The following FAF1 variants were observed in gnomAD, a reference collection of about 807,000 sequenced individuals.
FAF1 encodes FAS-associated factor 1.
A neutral mutation model predicts 92.5 loss-of-function variants in FAF1; 25 were observed. The observed-to-expected ratio is 0.27, with a 90% CI of 0.20 to 0.38. The LOEUF (loss-of-function observed/expected upper bound fraction) is 0.38, where lower values mean the gene tolerates loss of function less well. FAF1 is among the 10% of genes least tolerant of loss of function. The probability of loss-of-function intolerance (pLI) is 1.00; values close to 1 mark genes in which losing one functional copy is unlikely to be tolerated. For synonymous variants in FAF1, 234 were observed against 273.2 expected (o/e 0.86, Z 1.42); for missense variants, 636 against 793.3 (o/e 0.80, Z 2.38).
chr1:50,937,350 C>A (rs12064351), intron 1 of FAF1, among the ~76,000 whole-genome samples: 3,005 of 152,008 alleles, frequency 0.02, 97 homozygotes, highest in African/African-American at 0.07. Context: ...GTGGAAAGAA[C>A]TGAAAAATTA....
chr1:50,531,427 A>C (rs1648162304), intron 15 of FAF1, among the ~76,000 whole-genome samples: 1 of 152,186 alleles, frequency 6.6e-6, no homozygotes. Flanking sequence ...AAAACAGTGC[A>C]TATAAAAAAA....
intron 17 of FAF1, among the ~76,000 whole-genome samples, chr1:50,476,705 T>C (rs1572769964): frequency 6.6e-6 from 1 of 152,106 alleles, no homozygotes; most frequent in African/African-American, 2.4e-5. Context: ...TATGCCATTA[T>C]AAATTAAAGA....
intron 18 of FAF1, among the ~76,000 whole-genome samples, chr1:50,465,157 C>A (rs183396548): frequency 6.6e-6 from 1 of 152,206 alleles, no homozygotes; most frequent in African/African-American, 2.4e-5. Context: ...TGCTTGGCTA[C>A]GTGATCTTGG....
chr1:50,680,804 G>A (rs1557471788), intron 7 of FAF1, among the ~76,000 whole-genome samples: 1 of 152,088 alleles, frequency 6.6e-6, no homozygotes, highest in Non-Finnish European at 1.5e-5. Flanking sequence ...ATCAACTTCT[G>A]ACAAATGGTC....
intron 18 of FAF1, among the ~76,000 whole-genome samples, chr1:50,474,672 G>C (rs1014242171): frequency 2.0e-5 from 3 of 152,080 alleles, no homozygotes; most frequent in Admixed American, 6.6e-5. Context: ...TCTACTAAAG[G>C]AATCTATTTC....
In FAF1 at chr1:50,693,327, G is replaced by A. The variant is rs372149493; in HGVS notation, c.657+12459C>T. On this transcript the variant is annotated intron_variant, in intron 7 of 18. Transcript: ENST00000396153. ...TATGTTGAATTTTCTTGGTAATCTT[G>A]CTGAAAATTAATTGACCATAAATGT... Among the ~76,000 whole-genome samples the A allele has an allele frequency of 2.6e-5, 4 of 152,170 alleles. No homozygotes were observed. In the East Asian group the frequency reaches 7.7e-4, roughly 29 times the overall value.
At chr1:50,495,840 T>C (rs1459301274) in intron 15 of FAF1, among the ~76,000 whole-genome samples, 1 of 152,194 alleles carries the variant, frequency 6.6e-6, no homozygotes, top group Non-Finnish European at 1.5e-5. Flanking sequence ...GTAGTTCTGA[T>C]CTGTATCAGA....
chr1:50,788,236 G>T (rs774208666), intron 3 of FAF1, 31 bp from the exon 4 acceptor site: 39 of 1,570,482 alleles, frequency 2.5e-5, no homozygotes, highest in Non-Finnish European at 3.2e-5. Context: ...AAGGATTATT[G>T]TCAACTAAAT....
chr1:50,510,050 T>C (rs1390318955), intron 15 of FAF1, among the ~76,000 whole-genome samples: 1 of 151,290 alleles, frequency 6.6e-6, no homozygotes, highest in Non-Finnish European at 1.5e-5. Context: ...GCACCTGTAG[T>C]CCCAGCTGCT....
intron 15 of FAF1, among the ~76,000 whole-genome samples, chr1:50,532,780 A>G (rs1398056480): frequency 5.9e-5 from 9 of 152,118 alleles, no homozygotes; most frequent in African/African-American, 2.2e-4. Flanking sequence ...ATTGGGTTTC[A>G]TTTTTTAAAA....
At chr1:50,710,713 C>A (rs946245591) in intron 6 of FAF1, among the ~76,000 whole-genome samples, 1 of 151,680 alleles carries the variant, frequency 6.6e-6, no homozygotes, top group Non-Finnish European at 1.5e-5. Flanking sequence ...AGCGATTCTC[C>A]TGCCCCAGCC....
rs1277603730 is a variant in FAF1 at position 50,441,242 on chromosome 1, G to A, written c.*198C>T. 6.2e-6 allele frequency: 3 copies of A among 484,832 alleles called. No individual in the cohort carries two copies. The highest frequency in any genetic ancestry group is 3.9e-5 in the African/African-American group (2 of 50,704). The allele number at this position is 484,832 out of a possible 1,614,324, so 30.0% of individuals were successfully genotyped here. A position where few individuals can be genotyped will look rare whatever the true frequency, so the allele number is the denominator to read the frequency against. ...CAGAGTTGTAATTCTCTGTAATAAG[G>A]GTTGGGAATATATACTCATGGATGG... On this transcript the variant is annotated 3_prime_UTR_variant, in exon 19 of 19. Transcript: ENST00000396153.
At chr1:50,789,382 A>AT (rs761434030) in intron 3 of FAF1, among the ~76,000 whole-genome samples, 12 of 152,288 alleles carry the variant, frequency 7.9e-5, no homozygotes, top group Non-Finnish European at 1.6e-4. Flanking sequence ...CCAACTCAGT[A>AT]TGTCCACAGC....
chr1:50,808,120 A>C (rs1479152067), intron 2 of FAF1, among the ~76,000 whole-genome samples: 4 of 152,180 alleles, frequency 2.6e-5, no homozygotes, highest in Non-Finnish European at 5.9e-5. Flanking sequence ...TTAAAGAAAA[A>C]AAATTCCAAC....
intron 5 of FAF1, among the ~76,000 whole-genome samples, chr1:50,742,615 C>T (rs955787693): frequency 6.6e-6 from 1 of 152,148 alleles, no homozygotes; most frequent in Non-Finnish European, 1.5e-5. Context: ...GACTCCTGGC[C>T]TCAAGTGATC....
At chr1:50,501,671 AAAAAG>A (rs1476729588) in intron 15 of FAF1, among the ~76,000 whole-genome samples, 88 of 152,046 alleles carry the variant, frequency 5.8e-4, no homozygotes, top group Non-Finnish European at 1.1e-3. Flanking sequence ...AAAAAAAAAA[AAAAAG>A]AAAAGACTAA....
intron 7 of FAF1, among the ~76,000 whole-genome samples, chr1:50,688,688 T>C (rs371191897): frequency 1.2e-4 from 19 of 152,254 alleles, no homozygotes; most frequent in African/African-American, 4.1e-4. Flanking sequence ...GGCGCATGCC[T>C]GTAATCCCAG....
intron 6 of FAF1, among the ~76,000 whole-genome samples, chr1:50,728,432 G>C (rs1658753917): frequency 6.6e-6 from 1 of 152,180 alleles, no homozygotes; most frequent in Non-Finnish European, 1.5e-5. Flanking sequence ...ACAAGGATAA[G>C]ATTATGTAAG....
At chr1:50,498,812 T>C (rs938892951) in intron 15 of FAF1, among the ~76,000 whole-genome samples, 5 of 148,528 alleles carry the variant, frequency 3.4e-5, no homozygotes, top group African/African-American at 1.0e-4. Flanking sequence ...ATCGTGCCAC[T>C]GCACTCCAGC....
Sources: gnomAD v4.1 joint callset for allele counts (sites outside exome capture counted in the v4.1 genomes callset) on GRCh38, gnomAD v4.1.1 for gene constraint, MANE v1.5 for transcripts, NCBI Gene and HGNC (gene_info 2026-07-23, HGNC 2026-07-21) for gene names.